Variants in CFAP74 observed in about 807,000 individuals in gnomAD.
CFAP74 encodes the protein cilia- and flagella-associated protein 74.
CFAP74 carries 124 observed loss-of-function variants against 188.9 expected under a neutral mutation model. The ratio of observed to expected loss-of-function variants is 0.66; its 90% CI spans 0.57 to 0.76. The LOEUF is 0.76. Among genes scored for constraint, CFAP74 ranks in the 30% least tolerant of loss-of-function variants. CFAP74 has a pLI of 0.00. For synonymous variants in CFAP74, 956 were observed against 916.7 expected (o/e 1.04, Z -0.77); for missense variants, 2,198 against 2,165.2 (o/e 1.02, Z -0.30).
rs1267421463 is a variant in CFAP74 at position 1,946,312 on chromosome 1, C to T, written c.2364+5G>A. The T allele has an allele frequency of 1.3e-6, 2 of 1,533,690 alleles. No individual in the cohort carries two copies. Among genetic ancestry groups the T allele is most frequent in the Admixed American group, 3.9e-5 (2 of 50,744 alleles). On this transcript the variant is annotated splice_donor_5th_base_variant and intron_variant, in intron 20 of 38. Coordinates refer to ENST00000682832, the MANE Select transcript of CFAP74 (RefSeq NM_001304360.2). ...TGTGCGTGGCGTGGCAGCAGGAATA[C>T]TCACCGTGGGGCACTGGGGGTTCTT...
chr1:1,929,993 C>A (rs1340504307), intron 26 of CFAP74, 67 bp downstream of exon 26: 11 of 1,454,770 alleles, frequency 7.6e-6, no homozygotes, highest in Non-Finnish European at 1.8e-6. Flanking sequence ...GAGCCAGACA[C>A]CCCAGGGGTA....
At position 1,975,167 on chromosome 1, in the gene CFAP74, C is replaced by T. The variant is rs145046569; in HGVS notation, c.501-969G>A. On this transcript the variant is annotated intron_variant, in intron 6 of 38. Transcript: ENST00000682832. The surrounding 1 kb of genome is among the most constrained non-coding windows in gnomAD (Gnocchi z 4.5). ...TTTCCACTTCGTCTTTCGTTAAAAG[C>T]TTTTCCTGTGGAGCCGAGTCCAGTC... Among the ~76,000 whole-genome samples, 437 of 152,338 alleles carry T rather than the reference C, an allele frequency of 2.9e-3. No homozygotes were observed. The highest frequency in any genetic ancestry group is 1.0e-2 in the African/African-American group (415 of 41,574).
Position 1,928,830 on chromosome 1 carries a change from C to T in CFAP74, c.3341G>A (p.Arg1114His), listed in dbSNP as rs959523576. 4.6e-5 allele frequency: 71 copies of T among 1,535,574 alleles called. No individual in the cohort carries two copies. The highest frequency in any genetic ancestry group is 8.2e-5 in the African/African-American group (6 of 73,048). ...GTTCAGGAGTGGGAGGGCTTCCTGG[C>T]GGATCAGCTTCTCGGGCAGCACTGG... ...FRPVLPEKLIRQEALPLLNKE... is the reference protein window; with the variant it reads ...FRPVLPEKLIHQEALPLLNKE... Residue 1114 changes from arginine (R) to histidine (H), a missense_variant, in exon 27 of 39, where the codon CGC becomes CAC. Transcript: ENST00000682832.
At position 1,991,804 on chromosome 1, in the gene CFAP74, C is replaced by A. The variant is rs555730183; in HGVS notation, c.-19-829G>T. ...CCTGTAATCCCAGCACTTTGGGAGG[C>A]CAAGGTGGGCGGATCACGAGGTCAG... is the stretch of plus-strand genomic sequence containing the variant. On this transcript the variant is annotated intron_variant, in intron 1 of 38. Coordinates refer to ENST00000682832, the MANE Select transcript of CFAP74 (RefSeq NM_001304360.2). Among the ~76,000 whole-genome samples, 46 of 152,170 alleles carry A rather than the reference C, an allele frequency of 3.0e-4. 1 individual carries two copies. The highest frequency in any genetic ancestry group is 2.9e-3 in the Admixed American group (45 of 15,290).
chr1:1,923,678 C>T lies in CFAP74; in HGVS notation c.4389+97G>A, dbSNP rs1651577967. ...GGTGCTGAGTCCCCCAGCCATGGTA[C>T]CCTCAGGGCCTCCAAAGTGGAGCAG... On this transcript the variant is annotated intron_variant, in intron 35 of 38. Coordinates refer to ENST00000682832, the MANE Select transcript of CFAP74 (RefSeq NM_001304360.2). The surrounding 1 kb of genome is among the most constrained non-coding windows in gnomAD (Gnocchi z 6.3). 1.3e-6 allele frequency: 2 copies of T among 1,572,328 alleles called. No homozygotes were observed. The highest frequency in any genetic ancestry group is 1.7e-6 in the Non-Finnish European group (2 of 1,146,934).
At chr1:1,962,125 A>G (rs1336592588) in intron 14 of CFAP74, among the ~76,000 whole-genome samples, 1 of 152,244 alleles carries the variant, frequency 6.6e-6, no homozygotes, top group Non-Finnish European at 1.5e-5. Flanking sequence ...ACCTGTCCAC[A>G]AAGAGAAAAC....
At position 1,962,001 on chromosome 1, in the gene CFAP74, G is replaced by T. The variant is rs370558856; in HGVS notation, c.1694+1748C>A. Among the ~76,000 whole-genome samples the T allele has an allele frequency of 2.6e-5, 4 of 152,060 alleles. No homozygotes were observed. In the South Asian group the frequency reaches 6.2e-4, roughly 24 times the overall value. Reference sequence around the variant, plus strand: ...GCCCCTCTGGAGCCTGGGCAGCAAGGGGGGAATGAGGATCCTGCCCTTGCT... The same window carrying T: ...GCCCCTCTGGAGCCTGGGCAGCAAGTGGGGAATGAGGATCCTGCCCTTGCT... On this transcript the variant is annotated intron_variant, in intron 14 of 38. Transcript: ENST00000682832.
intron 9 of CFAP74, 86 bp from the exon 10 acceptor site, chr1:1,970,902 T>C (rs1329668725): frequency 3.9e-6 from 6 of 1,522,972 alleles, no homozygotes; most frequent in Non-Finnish European, 5.4e-6. Flanking sequence ...CACACACAGG[T>C]TCATACATGC....
chr1:2,002,499 G>A (rs377111159), intron 1 of CFAP74, among the ~76,000 whole-genome samples: 46 of 151,228 alleles, frequency 3.0e-4, no homozygotes, highest in Admixed American at 2.4e-3. Context: ...TGGCCAACAC[G>A]CGGAAACCCC....
At chr1:1,959,035 C>T in intron 16 of CFAP74, 85 bp downstream of exon 16, 1 of 920,630 alleles carries the variant, frequency 1.1e-6, no homozygotes, top group Non-Finnish European at 1.7e-6. Flanking sequence ...CCAACCTGCA[C>T]CCCCTCCCAG....
chr1:1,996,937 A>AG (rs1657946721), intron 1 of CFAP74, among the ~76,000 whole-genome samples: 6 of 139,662 alleles, frequency 4.3e-5, no homozygotes, highest in African/African-American at 1.7e-4. Flanking sequence ...AAAAAAAAAG[A>AG]AAAAAAAAAA....
intron 18 of CFAP74, chr1:1,955,199 T>C: frequency 1.6e-6 from 2 of 1,288,644 alleles, no homozygotes; most frequent in Non-Finnish European, 2.0e-6. Context: ...TCGATGCGTA[T>C]GTGGGAAAAC....
intron 6 of CFAP74, among the ~76,000 whole-genome samples, chr1:1,981,686 G>GTC: frequency 7.8e-6 from 1 of 128,296 alleles, no homozygotes; most frequent in Non-Finnish European, 1.6e-5. Context: ...CCCAGCCGCG[G>GTC]ACAGACACGG....
intron 21 of CFAP74, among the ~76,000 whole-genome samples, 169 bp downstream of exon 21, chr1:1,944,162 G>A (rs1204067052): frequency 1.3e-5 from 2 of 152,206 alleles, no homozygotes; most frequent in Non-Finnish European, 2.9e-5. Flanking sequence ...GTCCCCGCTG[G>A]CCACTGGGGG....
At position 1,968,772 on chromosome 1, in the gene CFAP74, C is replaced by T. The variant is rs78791970; in HGVS notation, c.1108G>A (p.Glu370Lys). 7,870 of 1,614,068 alleles carry T rather than the reference C, an allele frequency of 4.9e-3. 30 individuals are homozygous for T. Among genetic ancestry groups the T allele is most frequent in the Middle Eastern group, 0.021 (125 of 6,062 alleles). ...TTCTTCCTCTTTTCCTCCTCAGCCTCCTCTTTCAGAATCCGACTGATGATC... is the reference window on the plus strand; with the variant it reads ...TTCTTCCTCTTTTCCTCCTCAGCCTTCTCTTTCAGAATCCGACTGATGATC... ...QEIISRILKEEAEEEKRKKQH... is the reference protein window; with the variant it reads ...QEIISRILKEKAEEEKRKKQH... The change falls in exon 11 of 39, where the codon GAG becomes AAG. Residue 370 changes from glutamate to lysine, a missense_variant. By Grantham distance (56) the Glu-to-Lys change is moderately conservative. Transcript: ENST00000682832. This position sits in a 1 kb window ranked among gnomAD's most constrained non-coding sequence, Gnocchi z 4.3.
At chr1:1,939,943 C>A (rs186538296) in intron 23 of CFAP74, among the ~76,000 whole-genome samples, 176 bp from the exon 24 acceptor site, 2 of 152,178 alleles carry the variant, frequency 1.3e-5, no homozygotes, top group South Asian at 2.1e-4. Flanking sequence ...CCTGACATGG[C>A]GGGAGGAGCT....
chr1:1,993,577 T>G (rs1406101424), intron 1 of CFAP74, among the ~76,000 whole-genome samples: 3 of 150,894 alleles, frequency 2.0e-5, no homozygotes, highest in East Asian at 4.0e-4. Context: ...TGAGCCACCG[T>G]GCCCGGCCGG....
chr1:1,938,168 C>T (rs1653053705), intron 25 of CFAP74, among the ~76,000 whole-genome samples: 1 of 151,238 alleles, frequency 6.6e-6, no homozygotes, highest in Non-Finnish European at 1.5e-5. Flanking sequence ...CTCAACCTTA[C>T]ACACCCACAT....
Position 1,971,996 on chromosome 1 carries a change from C to G in CFAP74, c.872G>C (p.Ser291Thr). 6.2e-7 allele frequency: 1 copy of G among 1,610,988 alleles called. No homozygotes were observed. Among genetic ancestry groups the G allele is most frequent in the Non-Finnish European group, 8.5e-7 (1 of 1,179,762 alleles). The change falls in exon 9 of 39, where the codon AGC becomes ACC. Residue 291 changes from serine to threonine, a missense_variant. Transcript: ENST00000682832. ...RMDAVVALKGSISANRDTLRK... is the reference protein window; with the variant it reads ...RMDAVVALKGTISANRDTLRK... ...GGGGCCTACCCGGTTCGCGGAGATGCTGCCCTTCAGCGCCACCACCGCATC... is the reference window on the plus strand; with the variant it reads ...GGGGCCTACCCGGTTCGCGGAGATGGTGCCCTTCAGCGCCACCACCGCATC...
Sources: gnomAD v4.1 joint callset for allele counts (sites outside exome capture counted in the v4.1 genomes callset) on GRCh38, gnomAD v4.1.1 for gene constraint, Gnocchi (gnomAD v3.1) non-coding constraint, MANE v1.5 for transcripts, NCBI Gene and HGNC (gene_info 2026-07-23, HGNC 2026-07-21) for gene names.